The following PRKCA variants were observed in gnomAD, a reference collection of about 807,000 sequenced individuals.
PRKCA encodes protein kinase C alpha, also known as protein kinase C alpha type.
Under a neutral mutation model 87.0 loss-of-function variants are expected in PRKCA, and 27 were observed. That is an observed-to-expected ratio of 0.31 (90% CI 0.23 to 0.43). The LOEUF is 0.43. Ranked by LOEUF, PRKCA falls within the 20% of genes least tolerant of loss-of-function variation. The pLI is 1.00. For missense variants in PRKCA, 518 were observed against 852.3 expected (o/e 0.61, Z 4.88); for synonymous variants, 329 against 311.1 (o/e 1.06, Z -0.61).
intron 3 of PRKCA, among the ~76,000 whole-genome samples, chr17:66,539,480 T>G (rs1050312606): frequency 6.6e-6 from 1 of 151,934 alleles, no homozygotes; most frequent in South Asian, 2.1e-4. Context: ...CTCGGCTCAC[T>G]GCAAGCTCCG....
chr17:66,575,655 C>T (rs1969218469), intron 3 of PRKCA, among the ~76,000 whole-genome samples: 1 of 152,180 alleles, frequency 6.6e-6, no homozygotes, highest in Non-Finnish European at 1.5e-5. Context: ...GTAATTGAAA[C>T]TGGAAAACAA....
chr17:66,479,589 G>T (rs1007222133), intron 2 of PRKCA, among the ~76,000 whole-genome samples: 5 of 152,132 alleles, frequency 3.3e-5, no homozygotes, highest in African/African-American at 1.2e-4. Flanking sequence ...CAATAGGAAA[G>T]ACATGGAATT....
chr17:66,551,783 A>G (rs72845910), intron 3 of PRKCA, among the ~76,000 whole-genome samples: 8,896 of 152,156 alleles, frequency 0.058, 334 homozygotes, highest in Non-Finnish European at 0.084. Context: ...ATTTATATAT[A>G]TATATGAGAG....
Position 66,687,199 on chromosome 17 carries a change from T to C in PRKCA, c.618T>C (p.Asn206=), listed in dbSNP as rs1316798474. 6.2e-7 allele frequency: 1 copy of C among 1,614,078 alleles called. No homozygotes were observed. Among genetic ancestry groups the C allele is most frequent in the South Asian group, 1.1e-5 (1 of 91,080 alleles). Reference sequence around the variant, plus strand: ...TGAAACTTATTCCTGATCCCAAGAATGAAAGCAAGCAAAAAACCAAAACCA... The same window carrying C: ...TGAAACTTATTCCTGATCCCAAGAACGAAAGCAAGCAAAAAACCAAAACCA... ...VKLKLIPDPK[N]ESKQKTKTIR... is the part of the protein sequence containing the mutation. The change falls in exon 6 of 17, where the codon AAT becomes AAC. Residue 206 remains asparagine (N), a synonymous_variant. Coordinates refer to ENST00000413366, the MANE Select transcript of PRKCA (RefSeq NM_002737.3).
chr17:66,716,022 T>A (rs1460403666), intron 8 of PRKCA, among the ~76,000 whole-genome samples: 1 of 152,188 alleles, frequency 6.6e-6, no homozygotes, highest in African/African-American at 2.4e-5. Flanking sequence ...CACCTTGTGC[T>A]CCCCATTGCT....
At chr17:66,587,627 G>A (rs1409645543) in intron 3 of PRKCA, among the ~76,000 whole-genome samples, 1 of 149,898 alleles carries the variant, frequency 6.7e-6, no homozygotes, top group Non-Finnish European at 1.5e-5. Context: ...GATAGATATA[G>A]ATATATAGAT....
At chr17:66,447,895 C>A (rs1914115784) in intron 2 of PRKCA, among the ~76,000 whole-genome samples, 1 of 152,212 alleles carries the variant, frequency 6.6e-6, no homozygotes, top group African/African-American at 2.4e-5. Flanking sequence ...CTGGGCAGAA[C>A]TAGGGACTCC....
At chr17:66,716,410 C>T (rs1240400089) in intron 8 of PRKCA, among the ~76,000 whole-genome samples, 1 of 152,158 alleles carries the variant, frequency 6.6e-6, no homozygotes, top group Non-Finnish European at 1.5e-5. Flanking sequence ...CTGGGCCTTC[C>T]TCTAAGCCGG....
At chr17:66,511,260 G>A (rs1348430652) in intron 3 of PRKCA, among the ~76,000 whole-genome samples, 1 of 152,150 alleles carries the variant, frequency 6.6e-6, no homozygotes, top group Non-Finnish European at 1.5e-5. Context: ...CTTCTCTGTG[G>A]AGGTGGGTGA....
chr17:66,359,726 A>G (rs1908271387), intron 2 of PRKCA, among the ~76,000 whole-genome samples: 1 of 152,254 alleles, frequency 6.6e-6, no homozygotes, highest in African/African-American at 2.4e-5. Flanking sequence ...ATTCTATGCC[A>G]GCACCAAAAA....
chr17:66,747,457 G>A (rs568771259), intron 13 of PRKCA, among the ~76,000 whole-genome samples: 36 of 152,266 alleles, frequency 2.4e-4, no homozygotes, highest in Admixed American at 7.8e-4. Flanking sequence ...ACACACAAAG[G>A]ACATCACCCG....
chr17:66,341,939 A>G (rs1178041584), intron 2 of PRKCA, among the ~76,000 whole-genome samples: 3 of 152,212 alleles, frequency 2.0e-5, no homozygotes, highest in African/African-American at 7.2e-5. Context: ...AGATTTTTGT[A>G]TTATCCTGAG....
intron 2 of PRKCA, among the ~76,000 whole-genome samples, chr17:66,443,243 A>G (rs1312569794): frequency 6.6e-6 from 1 of 152,122 alleles, no homozygotes; most frequent in African/African-American, 2.4e-5. Flanking sequence ...TGTCTGTTCA[A>G]TGTTATAATG....
intron 2 of PRKCA, among the ~76,000 whole-genome samples, chr17:66,435,694 T>G (rs1913348028): frequency 1.3e-5 from 2 of 152,096 alleles, no homozygotes; most frequent in African/African-American, 4.8e-5. Flanking sequence ...TTTAAAACAA[T>G]GCGCATGAAG....
chr17:66,440,286 G>A (rs1341472637), intron 2 of PRKCA, among the ~76,000 whole-genome samples: 2 of 152,210 alleles, frequency 1.3e-5, no homozygotes, highest in East Asian at 3.8e-4. Flanking sequence ...TAAAGCTACA[G>A]GACGGAAAGG....
rs1281464591 is a variant in PRKCA at position 66,302,707 on chromosome 17, G to C, written c.-145G>C. 3.3e-5 allele frequency: 12 copies of C among 364,174 alleles called. No homozygotes were observed. Among genetic ancestry groups the C allele is most frequent in the Admixed American group, 1.3e-4 (2 of 15,142 alleles). 22.6% of individuals were successfully genotyped at this position (364,174 alleles called of 1,614,324 possible). ...CCCGACTCTCCCCGGCCCCCGCCGC[G>C]CCCCCTCGCCGCGACCTCGGCCACC... On this transcript the variant is annotated 5_prime_UTR_variant, in exon 1 of 17. Coordinates refer to ENST00000413366, the MANE Select transcript of PRKCA (RefSeq NM_002737.3).
chr17:66,347,727 A>C (rs898761874), intron 2 of PRKCA, among the ~76,000 whole-genome samples: 2 of 152,100 alleles, frequency 1.3e-5, no homozygotes, highest in Admixed American at 1.3e-4. Context: ...GTAGATGCAC[A>C]TTTTCTAAGA....
chr17:66,465,629 G>C (rs1488370888), intron 2 of PRKCA, among the ~76,000 whole-genome samples: 1 of 151,832 alleles, frequency 6.6e-6, no homozygotes, highest in African/African-American at 2.4e-5. Context: ...ACACTCCTGA[G>C]CTTGAGCAGT....
chr17:66,661,171 G>A (rs1459846404), intron 5 of PRKCA, among the ~76,000 whole-genome samples: 2 of 151,950 alleles, frequency 1.3e-5, no homozygotes, highest in Non-Finnish European at 2.9e-5. Flanking sequence ...CTACAGCTTC[G>A]CCTCTTGCAG....
Sources: gnomAD v4.1 joint callset for allele counts (sites outside exome capture counted in the v4.1 genomes callset) on GRCh38, gnomAD v4.1.1 for gene constraint, MANE v1.5 for transcripts, NCBI Gene and HGNC (gene_info 2026-07-23, HGNC 2026-07-21) for gene names.